Variants in CLEC1A observed in about 807,000 individuals in gnomAD.
The protein encoded by CLEC1A is C-type lectin domain family 1 member A.
In CLEC1A, 34 loss-of-function variants were observed where a neutral mutation model predicts 28.7. The ratio of observed to expected loss-of-function variants is 1.18; its 90% CI spans 0.90 to 1.57. The LOEUF is 1.57. CLEC1A is among the 40% of genes most tolerant of loss of function. CLEC1A has a pLI of 0.00. For synonymous variants in CLEC1A, 116 were observed against 121.0 expected (o/e 0.96, Z 0.27); for missense variants, 385 against 339.5 (o/e 1.13, Z -1.05).
intron 3 of CLEC1A, 80 bp downstream of exon 3, chr12:10,081,157 T>C: frequency 1.7e-5 from 21 of 1,259,076 alleles, no homozygotes; most frequent in Non-Finnish European, 2.2e-5. Context: ...AAATAATACT[T>C]GACTCTCACT....
chr12:10,077,059 T>G (rs927538845), intron 3 of CLEC1A, among the ~76,000 whole-genome samples: 2 of 152,076 alleles, frequency 1.3e-5, no homozygotes, highest in Admixed American at 6.6e-5. Flanking sequence ...GTCTCCTACT[T>G]GTAGGGGAAT....
At chr12:10,082,331 C>T (rs1405131921) in intron 2 of CLEC1A, among the ~76,000 whole-genome samples, 2 of 151,994 alleles carry the variant, frequency 1.3e-5, no homozygotes, top group African/African-American at 4.8e-5. Context: ...ATATAAACTT[C>T]GTGGTGTTGG....
At position 10,069,567 on chromosome 12, in the gene CLEC1A, A is replaced by G. The variant is rs1866083437; in HGVS notation, c.*1766T>C. ...ACATTATGAAACTGATTTCACATTTACTTTATTTCAGCTAACAGTAACATT... is the reference window on the plus strand; with the variant it reads ...ACATTATGAAACTGATTTCACATTTGCTTTATTTCAGCTAACAGTAACATT... On this transcript the variant is annotated 3_prime_UTR_variant, in exon 6 of 6. Transcript: ENST00000315330. 6.6e-6 allele frequency: 1 copy of G among 152,156 alleles called. No homozygotes were observed. The highest frequency in any genetic ancestry group is 1.5e-5 in the Non-Finnish European group (1 of 68,022). The allele number at this position is 152,156 out of a possible 1,614,324, so 9.4% of individuals were successfully genotyped here.
intron 1 of CLEC1A, among the ~76,000 whole-genome samples, chr12:10,093,464 C>T (rs1354182643): frequency 6.7e-6 from 1 of 150,062 alleles, no homozygotes; most frequent in East Asian, 1.9e-4. Context: ...ATACCAATTA[C>T]TGTGTAATTA....
intron 3 of CLEC1A, among the ~76,000 whole-genome samples, chr12:10,079,483 T>A (rs6488248): frequency 0.47 from 71,955 of 151,954 alleles, 20,605 homozygotes; most frequent in Middle Eastern, 0.73. Flanking sequence ...TAAATAAAAA[T>A]TTGAAAGACC....
Position 10,081,374 on chromosome 12 carries a change from G to C in CLEC1A, c.254C>G (p.Thr85Ser), listed in dbSNP as rs1565602510. 6 of 1,612,606 alleles carry C rather than the reference G, an allele frequency of 3.7e-6. No homozygotes were observed. The highest frequency in any genetic ancestry group is 5.1e-6 in the Non-Finnish European group (6 of 1,179,440). ...TAATCTTTCTTCCATTTGAGAAATG[G>C]TGTCTTGACCAGTATTGGAGAGCTG... ...YYQLSNTGQDTISQMEERLGN... is the reference protein window; with the variant it reads ...YYQLSNTGQDSISQMEERLGN... Residue 85 changes from threonine (T) to serine (S), a missense_variant, in exon 3 of 6, where the codon ACC (threonine) becomes AGC (serine). Thr to Ser is a moderately conservative substitution (Grantham distance 58). Transcript: ENST00000315330.
At chr12:10,086,190 G>T (rs966054343) in intron 2 of CLEC1A, among the ~76,000 whole-genome samples, 1 of 151,982 alleles carries the variant, frequency 6.6e-6, no homozygotes, top group African/African-American at 2.4e-5. Context: ...CAGCAAAAGC[G>T]GTGCTAAGAG....
intron 3 of CLEC1A, among the ~76,000 whole-genome samples, chr12:10,075,881 T>C (rs1335710239): frequency 6.6e-6 from 1 of 152,174 alleles, no homozygotes; most frequent in Non-Finnish European, 1.5e-5. Flanking sequence ...ACTAATTGCT[T>C]ATGTGGAATC....
In CLEC1A at chr12:10,082,621, C is replaced by A. The variant is rs548323705; in HGVS notation, c.215-1208G>T. On this transcript the variant is annotated intron_variant, in intron 2 of 5. Transcript: ENST00000315330. ...AGACATAAACTTGGGAGCTGTATGG[C>A]CCCACCCATCACCTGAGAAACCTGA... Among the ~76,000 whole-genome samples the A allele has an allele frequency of 5.9e-5, 9 of 152,262 alleles. No individual in the cohort carries two copies. In the South Asian group the frequency reaches 1.9e-3, roughly 32 times the overall value.
intron 1 of CLEC1A, among the ~76,000 whole-genome samples, chr12:10,090,949 A>G (rs543996752): frequency 6.6e-6 from 1 of 152,278 alleles, no homozygotes; most frequent in South Asian, 2.1e-4. Context: ...GCCTTTCTGA[A>G]CTATTTTCCC....
intron 1 of CLEC1A, among the ~76,000 whole-genome samples, chr12:10,090,062 C>A (rs1249038595): frequency 1.3e-5 from 2 of 152,122 alleles, no homozygotes; most frequent in Non-Finnish European, 1.5e-5. Flanking sequence ...AGGGAAGAGT[C>A]TCAGTCAGGT....
At chr12:10,073,778 A>G (rs1866190924) in intron 4 of CLEC1A, among the ~76,000 whole-genome samples, 1 of 152,226 alleles carries the variant, frequency 6.6e-6, no homozygotes, top group Non-Finnish European at 1.5e-5. Context: ...ATGGAAGAAT[A>G]TGGAGGGAAA....
intron 1 of CLEC1A, among the ~76,000 whole-genome samples, chr12:10,098,458 G>A (rs1179216494): frequency 6.6e-6 from 1 of 152,080 alleles, no homozygotes; most frequent in Non-Finnish European, 1.5e-5. Context: ...ATGCTACCAG[G>A]ATACTTAAAC....
intron 1 of CLEC1A, among the ~76,000 whole-genome samples, chr12:10,093,306 T>G (rs1305062363): frequency 2.7e-5 from 4 of 149,028 alleles, no homozygotes; most frequent in Non-Finnish European, 5.9e-5. Flanking sequence ...CTGAGGCATG[T>G]TTAGAAAGGG....
In CLEC1A at chr12:10,075,598, T is replaced by C. The variant is rs770775120; in HGVS notation, c.449A>G (p.Gln150Arg). Residue 150 changes from glutamine (Q) to arginine (R), a missense_variant, in exon 4 of 6, where the codon CAG (glutamine) becomes CGG (arginine). Transcript: ENST00000315330. Reference sequence around the variant, plus strand: ...CCAACTTTTGCTGTCTTTATAGAACTGGTAGCAATTGTCTCCATGCCATTT... The same window carrying C: ...CCAACTTTTGCTGTCTTTATAGAACCGGTAGCAATTGTCTCCATGCCATTT... ...QWKWHGDNCY[Q>R]FYKDSKSWED... 6.2e-7 allele frequency: 1 copy of C among 1,614,102 alleles called. No homozygotes were observed. Among genetic ancestry groups the C allele is most frequent in the Non-Finnish European group, 8.5e-7 (1 of 1,179,956 alleles).
rs376179802 is a variant in CLEC1A at position 10,069,595 on chromosome 12, G to A, written c.*1738C>T. The A allele has an allele frequency of 3.3e-5, 5 of 152,136 alleles. No homozygotes were observed. The highest frequency in any genetic ancestry group is 1.9e-4 in the East Asian group (1 of 5,198). The allele number at this position is 152,136 out of a possible 1,614,324, so 9.4% of individuals were successfully genotyped here. A position where few individuals can be genotyped will look rare whatever the true frequency, so the allele number is the denominator to read the frequency against. The stretch of plus-strand genomic sequence containing the variant: ...TTATTTCAGCTAACAGTAACATTAT[G>A]AGGAAATTATAATTATTTCTACTTC... On this transcript the variant is annotated 3_prime_UTR_variant, in exon 6 of 6. Coordinates refer to ENST00000315330, the MANE Select transcript of CLEC1A (RefSeq NM_016511.4).
rs1866136048 is a variant in CLEC1A at position 10,071,584 on chromosome 12, T to G, written c.663-71A>C. 5 of 1,248,224 alleles carry G rather than the reference T, an allele frequency of 4.0e-6. No individual in the cohort carries two copies. In the African/African-American group the frequency reaches 7.7e-5, roughly 19 times the overall value. The allele number at this position is 1,248,224 out of a possible 1,614,324, so 77.3% of individuals were successfully genotyped here. ...AAATAAAATATTAAATACCCATTCT[T>G]TCTAGAGTTATAAAATTATAGTCTA... On this transcript the variant is annotated intron_variant, in intron 5 of 5. Coordinates refer to ENST00000315330, the MANE Select transcript of CLEC1A (RefSeq NM_016511.4).
chr12:10,076,114 GA>G (rs1207925615), intron 3 of CLEC1A, among the ~76,000 whole-genome samples: 1 of 152,066 alleles, frequency 6.6e-6, no homozygotes, highest in Non-Finnish European at 1.5e-5. Context: ...TCTTTTTAAG[GA>G]AAAAAATACT....
rs1365218957 is a variant in CLEC1A at position 10,089,173 on chromosome 12, C to T, written c.165G>A (p.Leu55=). ...STWRPVALTL[L]TLCLVLLIGL... is the part of the protein sequence containing the mutation. ...CTATCAGCAGCACCAAGCACAAAGT[C>T]AGCAGGGTCAGGGCCACTGGTCGCC... The change falls in exon 2 of 6, where the codon CTG becomes CTA. Residue 55 remains leucine (L), a synonymous_variant. Coordinates refer to ENST00000315330, the MANE Select transcript of CLEC1A (RefSeq NM_016511.4). 2 of 1,614,078 alleles carry T rather than the reference C, an allele frequency of 1.2e-6. No individual in the cohort carries two copies. The highest frequency in any genetic ancestry group is 4.5e-5 in the East Asian group (2 of 44,874).
Sources: allele counts gnomAD v4.1 joint callset (sites outside exome capture counted in the v4.1 genomes callset), GRCh38; gene constraint gnomAD v4.1.1; transcripts MANE v1.5; gene names NCBI Gene and HGNC (gene_info 2026-07-23, HGNC 2026-07-21).